The following CDH12 variants were observed in gnomAD, a reference collection of about 807,000 sequenced individuals.
CDH12 encodes cadherin-12.
A neutral mutation model predicts 74.1 loss-of-function variants in CDH12; 41 were observed. The ratio of observed to expected loss-of-function variants is 0.55; its 90% CI spans 0.43 to 0.72. The LOEUF is 0.72. Among genes scored for constraint, CDH12 ranks in the 30% least tolerant of loss-of-function variants. CDH12 has a pLI of 0.00. For synonymous variants in CDH12, 399 were observed against 355.0 expected, an observed-to-expected ratio of 1.12 and a Z score of -1.39; for missense variants, 945 against 977.2, an observed-to-expected ratio of 0.97 and a Z score of 0.44.
chr5:22,331,032 G>A (rs1191085984), intron 3 of CDH12, among the ~76,000 whole-genome samples: 1 of 152,118 alleles, frequency 6.6e-6, no homozygotes, highest in African/African-American at 2.4e-5. Flanking sequence ...CCCATGGGTT[G>A]TTGTTGGTGG....
chr5:22,607,855 G>T (rs186345384), intron 1 of CDH12, among the ~76,000 whole-genome samples: 4 of 152,360 alleles, frequency 2.6e-5, no homozygotes, highest in Non-Finnish European at 5.9e-5. Context: ...TCCATGTGGT[G>T]TTGAGCCTAA....
At chr5:22,562,936 AT>A (rs1739126442) in intron 1 of CDH12, among the ~76,000 whole-genome samples, 1 of 147,854 alleles carries the variant, frequency 6.8e-6, no homozygotes, top group Non-Finnish European at 1.5e-5. Flanking sequence ...CTAAATTTAT[AT>A]TTTTAAATAT....
intron 6 of CDH12, among the ~76,000 whole-genome samples, chr5:21,929,943 T>C (rs1754760091): frequency 6.6e-6 from 1 of 152,214 alleles, no homozygotes. Context: ...AAATGCCCTC[T>C]GGAAATTCTA....
intron 6 of CDH12, among the ~76,000 whole-genome samples, chr5:21,879,872 G>A (rs151317768): frequency 6.6e-6 from 1 of 152,124 alleles, no homozygotes; most frequent in East Asian, 1.9e-4. Flanking sequence ...AAGAGGATTC[G>A]GAATATTAAA....
chr5:22,153,909 C>A lies in CDH12; in HGVS notation c.-187+58589G>T, dbSNP rs573102427. Among the ~76,000 whole-genome samples the A allele has an allele frequency of 7.6e-3, 777 of 101,686 alleles. 14 individuals carry two copies. The highest frequency in any genetic ancestry group is 0.026 in the African/African-American group (729 of 27,668). The allele number at this position is 101,686 out of a possible 152,430, so 66.7% of individuals were successfully genotyped here. A position where few individuals can be genotyped will look rare whatever the true frequency, so the allele number is the denominator to read the frequency against. On this transcript the variant is annotated intron_variant, in intron 4 of 14. Transcript: ENST00000382254. ...ATATAAATATATATATATATACACA[C>A]ACATACACACACACACACAAACATA... is the stretch of plus-strand genomic sequence containing the variant.
chr5:22,729,218 A>G lies in CDH12; in HGVS notation c.-523+123840T>C, dbSNP rs137998001. ...TCATAAAGACAAAATTAAGGTGGCA[A>G]CAGGGGCGTGGTTCTCATCTCAGTT... is the stretch of plus-strand genomic sequence containing the variant. On this transcript the variant is annotated intron_variant, in intron 1 of 14. Coordinates refer to ENST00000382254, the MANE Select transcript of CDH12 (RefSeq NM_004061.5). 6.1e-3 allele frequency among the ~76,000 whole-genome samples: 922 copies of G among 151,908 alleles called. 7 individuals carry two copies. Among genetic ancestry groups the G allele is most frequent in the Middle Eastern group, 0.027 (8 of 294 alleles).
intron 1 of CDH12, among the ~76,000 whole-genome samples, chr5:22,766,185 T>A (rs1380521561): frequency 6.6e-6 from 1 of 152,026 alleles, no homozygotes; most frequent in Non-Finnish European, 1.5e-5. Context: ...TAAATTGGAA[T>A]AAACAATTTA....
chr5:22,592,027 G>A (rs11953251), intron 1 of CDH12, among the ~76,000 whole-genome samples: 49 of 152,156 alleles, frequency 3.2e-4, no homozygotes, highest in African/African-American at 1.1e-3. Flanking sequence ...CTACTTTAAT[G>A]TTTTACCATA....
intron 1 of CDH12, among the ~76,000 whole-genome samples, chr5:22,526,144 G>A (rs188854465): frequency 1.1e-4 from 17 of 151,986 alleles, no homozygotes; most frequent in Middle Eastern, 6.8e-3. Flanking sequence ...ACTGACATTC[G>A]GTGTTTTATA....
chr5:21,751,632 T>TG lies in CDH12; in HGVS notation c.*104_*105insC. 1 of 571,186 alleles carries TG rather than the reference T, an allele frequency of 1.8e-6. No individual in the cohort carries two copies. Among genetic ancestry groups the TG allele is most frequent in the Non-Finnish European group, 3.0e-6 (1 of 331,138 alleles). The allele number at this position is 571,186 out of a possible 1,614,324, so 35.4% of individuals were successfully genotyped here. A position where few individuals can be genotyped will look rare whatever the true frequency, so the allele number is the denominator to read the frequency against. ...AGAGTGTGTGTGTGTGTGTGTGTGT[T>TG]TGTGTGTGTGTGTGTGTGTGAGAGA... is the stretch of plus-strand genomic sequence containing the variant. On this transcript the variant is annotated 3_prime_UTR_variant, in exon 15 of 15. Transcript: ENST00000382254.
intron 1 of CDH12, among the ~76,000 whole-genome samples, chr5:22,741,737 T>C (rs1220275015): frequency 6.6e-6 from 1 of 152,160 alleles, no homozygotes; most frequent in South Asian, 2.1e-4. Flanking sequence ...TACTACATGG[T>C]CAAGCATTGG....
intron 3 of CDH12, among the ~76,000 whole-genome samples, chr5:22,372,882 C>T (rs1290004681): frequency 6.6e-6 from 1 of 152,180 alleles, no homozygotes; most frequent in Non-Finnish European, 1.5e-5. Context: ...AGGACAAATG[C>T]CACTTCCACT....
chr5:22,353,469 A>G (rs1187111443), intron 3 of CDH12, among the ~76,000 whole-genome samples: 1 of 152,200 alleles, frequency 6.6e-6, no homozygotes, highest in Non-Finnish European at 1.5e-5. Flanking sequence ...TGCTAAATGG[A>G]CCACATTAAG....
intron 5 of CDH12, among the ~76,000 whole-genome samples, chr5:22,018,917 C>G (rs1307646535): frequency 6.6e-6 from 1 of 152,056 alleles, no homozygotes; most frequent in Non-Finnish European, 1.5e-5. Flanking sequence ...GCTAAAAATA[C>G]AAAAATTAGC....
At chr5:22,659,667 A>C (rs1740243775) in intron 1 of CDH12, among the ~76,000 whole-genome samples, 1 of 152,060 alleles carries the variant, frequency 6.6e-6, no homozygotes, top group Non-Finnish European at 1.5e-5. Flanking sequence ...GTTTTATCAT[A>C]GTTTTTTTCT....
intron 1 of CDH12, among the ~76,000 whole-genome samples, chr5:22,666,770 T>C (rs976386432): frequency 6.6e-6 from 1 of 152,188 alleles, no homozygotes; most frequent in Non-Finnish European, 1.5e-5. Flanking sequence ...CCTATAATCC[T>C]TCAATGGCAA....
chr5:21,909,616 T>G (rs1445464455), intron 6 of CDH12, among the ~76,000 whole-genome samples: 1 of 152,166 alleles, frequency 6.6e-6, no homozygotes, highest in East Asian at 1.9e-4. Context: ...ACAGAAATAC[T>G]AATAAAATTT....
At chr5:21,874,573 C>A (rs1265277464) in intron 6 of CDH12, among the ~76,000 whole-genome samples, 3 of 152,108 alleles carry the variant, frequency 2.0e-5, no homozygotes, top group African/African-American at 7.2e-5. Flanking sequence ...GGAGTGGCAA[C>A]CCCCTTTCAG....
At chr5:22,018,856 G>A (rs1327209080) in intron 5 of CDH12, among the ~76,000 whole-genome samples, 5 of 152,116 alleles carry the variant, frequency 3.3e-5, no homozygotes, top group African/African-American at 1.2e-4. Context: ...TGGATCATTT[G>A]AGGTCAGGAG....
Sources: gnomAD v4.1 joint callset for allele counts (sites outside exome capture counted in the v4.1 genomes callset) on GRCh38, gnomAD v4.1.1 for gene constraint, MANE v1.5 for transcripts, NCBI Gene and HGNC (gene_info 2026-07-23, HGNC 2026-07-21) for gene names.